The following KCTD16 variants were observed in gnomAD, a reference collection of about 807,000 sequenced individuals.
The protein encoded by KCTD16 is potassium channel tetramerization domain containing 16.
A neutral mutation model predicts 33.2 loss-of-function variants in KCTD16; 13 were observed. The observed-to-expected ratio is 0.39, with a 90% CI of 0.25 to 0.62. KCTD16 has a LOEUF of 0.62. Ranked by LOEUF, KCTD16 falls within the 20% of genes least tolerant of loss-of-function variation. KCTD16 has a pLI of 0.50. For synonymous variants in KCTD16, 197 were observed against 195.3 expected (o/e 1.01, Z -0.07); for missense variants, 441 against 525.1 (o/e 0.84, Z 1.57).
chr5:144,414,501 G>T (rs981280198), intron 3 of KCTD16, among the ~76,000 whole-genome samples: 1 of 152,168 alleles, frequency 6.6e-6, no homozygotes, highest in Non-Finnish European at 1.5e-5. Flanking sequence ...GCTTAGTTCA[G>T]GCAGGGACAA....
chr5:144,195,565 G>A (rs1007339881), intron 2 of KCTD16, among the ~76,000 whole-genome samples: 3 of 152,192 alleles, frequency 2.0e-5, no homozygotes, highest in African/African-American at 4.8e-5. Flanking sequence ...AATGGAGAGG[G>A]AAGGGCCACT....
chr5:144,252,915 C>A (rs1330024641), intron 3 of KCTD16, among the ~76,000 whole-genome samples: 1 of 150,240 alleles, frequency 6.7e-6, no homozygotes, highest in East Asian at 2.0e-4. Flanking sequence ...CTCCTTCTCC[C>A]CTTTGTCTCT....
chr5:144,374,848 A>C (rs1217311376), intron 3 of KCTD16, among the ~76,000 whole-genome samples: 1 of 152,044 alleles, frequency 6.6e-6, no homozygotes. Flanking sequence ...TTTTCACTGA[A>C]GTTTAGAACT....
chr5:144,350,580 A>G (rs376244908), intron 3 of KCTD16, among the ~76,000 whole-genome samples: 1 of 152,126 alleles, frequency 6.6e-6, no homozygotes, highest in South Asian at 2.1e-4. Context: ...GAAGCCCTTA[A>G]TGATAGATAC....
At chr5:144,338,742 T>A (rs1752553826) in intron 3 of KCTD16, among the ~76,000 whole-genome samples, 1 of 151,780 alleles carries the variant, frequency 6.6e-6, no homozygotes, top group African/African-American at 2.4e-5. Flanking sequence ...GTACTTGGAG[T>A]GAAGTGGATG....
chr5:144,346,331 T>C (rs1207607115), intron 3 of KCTD16, among the ~76,000 whole-genome samples: 1 of 152,196 alleles, frequency 6.6e-6, no homozygotes, highest in Non-Finnish European at 1.5e-5. Context: ...AGTGCAGATA[T>C]CTCTTTGATA....
chr5:144,368,311 A>G (rs1427976543), intron 3 of KCTD16, among the ~76,000 whole-genome samples: 3 of 152,160 alleles, frequency 2.0e-5, no homozygotes, highest in Non-Finnish European at 4.4e-5. Context: ...GGCCCAGCAT[A>G]ATTACATAAG....
At chr5:144,292,184 G>T (rs1280483938) in intron 3 of KCTD16, among the ~76,000 whole-genome samples, 2 of 152,240 alleles carry the variant, frequency 1.3e-5, no homozygotes, top group African/African-American at 2.4e-5. Context: ...AAGCCCAGGA[G>T]GGGCAGGGCC....
intron 3 of KCTD16, among the ~76,000 whole-genome samples, chr5:144,230,732 T>C (rs1754077331): frequency 6.6e-6 from 1 of 152,196 alleles, no homozygotes; most frequent in South Asian, 2.1e-4. Context: ...ACTTTTATAA[T>C]ATGGAAGTGA....
Position 144,482,413 on chromosome 5 carries a change from T to C in KCTD16, c.*8299T>C, listed in dbSNP as rs1342733797. ...CGTCTGGAGAAAATGACACCTGCAATTGCTTGCTGTGCTGCACACAGGTCA... is the reference window on the plus strand; with the variant it reads ...CGTCTGGAGAAAATGACACCTGCAACTGCTTGCTGTGCTGCACACAGGTCA... On this transcript the variant is annotated 3_prime_UTR_variant, in exon 4 of 4. Coordinates refer to ENST00000512467, the MANE Select transcript of KCTD16 (RefSeq NM_020768.4). 1 of 151,974 alleles carries C rather than the reference T, an allele frequency of 6.6e-6. No homozygotes were observed. Among genetic ancestry groups the C allele is most frequent in the East Asian group, 1.9e-4 (1 of 5,150 alleles). The allele number at this position is 151,974 out of a possible 1,614,324, so 9.4% of individuals were successfully genotyped here.
intron 3 of KCTD16, among the ~76,000 whole-genome samples, chr5:144,376,254 T>C (rs1752090892): frequency 6.6e-6 from 1 of 152,188 alleles, no homozygotes; most frequent in South Asian, 2.1e-4. Flanking sequence ...ATTAACTCAT[T>C]ATAGATATAT....
chr5:144,363,723 C>G (rs1023198469), intron 3 of KCTD16, among the ~76,000 whole-genome samples: 5 of 152,140 alleles, frequency 3.3e-5, no homozygotes, highest in African/African-American at 1.2e-4. Context: ...ATTTCATTCT[C>G]ATCTCACATG....
chr5:144,248,772 C>T (rs998589985), intron 3 of KCTD16, among the ~76,000 whole-genome samples: 8 of 152,220 alleles, frequency 5.3e-5, no homozygotes, highest in African/African-American at 1.9e-4. Flanking sequence ...AAACTAGAAG[C>T]CTATCATGAC....
At chr5:144,263,190 A>T (rs1473437016) in intron 3 of KCTD16, among the ~76,000 whole-genome samples, 1 of 152,240 alleles carries the variant, frequency 6.6e-6, no homozygotes, top group Non-Finnish European at 1.5e-5. Context: ...CTTTTATAAG[A>T]CAATATTATT....
chr5:144,200,249 C>T (rs6860529), intron 2 of KCTD16, among the ~76,000 whole-genome samples: 19,980 of 151,268 alleles, frequency 0.13, 1,720 homozygotes, highest in East Asian at 0.37. Context: ...AATGGTGATA[C>T]AGACAGCTTT....
intron 2 of KCTD16, among the ~76,000 whole-genome samples, chr5:144,180,507 G>T (rs1217857290): frequency 1.3e-5 from 2 of 152,146 alleles, no homozygotes; most frequent in Non-Finnish European, 2.9e-5. Flanking sequence ...TCAAAACTTG[G>T]TGGATTAAAA....
Position 144,482,423 on chromosome 5 carries a change from T to C in KCTD16, c.*8309T>C, listed in dbSNP as rs2127008249. On this transcript the variant is annotated 3_prime_UTR_variant, in exon 4 of 4. Coordinates refer to ENST00000512467, the MANE Select transcript of KCTD16 (RefSeq NM_020768.4). Reference sequence around the variant, plus strand: ...AAATGACACCTGCAATTGCTTGCTGTGCTGCACACAGGTCACTAGGGCAAG... The same window carrying C: ...AAATGACACCTGCAATTGCTTGCTGCGCTGCACACAGGTCACTAGGGCAAG... 6.6e-6 allele frequency: 1 copy of C among 152,094 alleles called. No individual in the cohort carries two copies. The highest frequency in any genetic ancestry group is 2.4e-5 in the African/African-American group (1 of 41,514). The allele number at this position is 152,094 out of a possible 1,614,324, so 9.4% of individuals were successfully genotyped here.
intron 3 of KCTD16, among the ~76,000 whole-genome samples, chr5:144,415,942 G>T (rs189627823): frequency 2.8e-4 from 43 of 152,288 alleles, no homozygotes; most frequent in Non-Finnish European, 7.4e-5. Flanking sequence ...TGAGGGAAAA[G>T]AAATTGAATT....
At chr5:144,221,830 A>C (rs1332943051) in intron 3 of KCTD16, among the ~76,000 whole-genome samples, 1 of 152,196 alleles carries the variant, frequency 6.6e-6, no homozygotes, top group African/African-American at 2.4e-5. Context: ...TTGATCCTTG[A>C]GGAATCCCCA....
Sources: gnomAD v4.1 joint callset for allele counts (sites outside exome capture counted in the v4.1 genomes callset) on GRCh38, gnomAD v4.1.1 for gene constraint, MANE v1.5 for transcripts, NCBI Gene and HGNC (gene_info 2026-07-23, HGNC 2026-07-21) for gene names.